EGFR: variants seen among roughly 807,000 people sequenced by gnomAD.
The protein encoded by EGFR is epidermal growth factor receptor.
EGFR carries 58 observed loss-of-function variants against 143.0 expected under a neutral mutation model. That is an observed-to-expected ratio of 0.41 (90% CI 0.33 to 0.50). The LOEUF (loss-of-function observed/expected upper bound fraction) is 0.50. Among genes scored for constraint, EGFR ranks in the 20% least tolerant of loss-of-function variants. The pLI is 0.39. For missense variants in EGFR, 1,307 were observed against 1,579.0 expected (o/e 0.83, Z 2.92); for synonymous variants, 613 against 594.4 (o/e 1.03, Z -0.45).
At chr7:55,050,519 C>T (rs1454999500) in intron 1 of EGFR, among the ~76,000 whole-genome samples, 1 of 152,192 alleles carries the variant, frequency 6.6e-6, no homozygotes, top group Non-Finnish European at 1.5e-5. Flanking sequence ...GTTGCTTCTG[C>T]TTTTTAGCTA....
In EGFR at chr7:55,091,847, A is replaced by AACACACACACAC. The variant is rs71014681; in HGVS notation, c.89-50406_89-50395dup. Reference sequence around the variant, plus strand: ...CTTATCCAAACCCTGACCCACTGTAAACACACACACACACACACACACACA... The same window carrying AACACACACACAC: ...CTTATCCAAACCCTGACCCACTGTAAACACACACACACACACACACACACACACACACACACA... On this transcript the variant is annotated intron_variant, in intron 1 of 27. Coordinates refer to ENST00000275493, the MANE Select transcript of EGFR (RefSeq NM_005228.5). 4.9e-3 allele frequency among the ~76,000 whole-genome samples: 646 copies of AACACACACACAC among 132,150 alleles called. 7 individuals are homozygous for AACACACACACAC. The highest frequency in any genetic ancestry group is 0.048 in the Middle Eastern group (11 of 230). The allele number at this position is 132,150 out of a possible 152,430, so 86.7% of individuals were successfully genotyped here. A position where few individuals can be genotyped will look rare whatever the true frequency, so the allele number is the denominator to read the frequency against.
Position 55,152,530 on chromosome 7 carries a change from C to G in EGFR, c.629-16C>G. ...CCTCACTCTTCAGCTCACAGGGAAC[C>G]TTTGCTCTTTTTCAGTGACCAAAAT... On this transcript the variant is annotated splice_polypyrimidine_tract_variant and intron_variant, in intron 5 of 27. Coordinates refer to ENST00000275493, the MANE Select transcript of EGFR (RefSeq NM_005228.5). The G allele has an allele frequency of 6.2e-7, 1 of 1,611,008 alleles. No homozygotes were observed. The highest frequency in any genetic ancestry group is 8.5e-7 in the Non-Finnish European group (1 of 1,177,268).
At chr7:55,043,416 T>C (rs1374865894) in intron 1 of EGFR, among the ~76,000 whole-genome samples, 1 of 152,166 alleles carries the variant, frequency 6.6e-6, no homozygotes, top group East Asian at 1.9e-4. Context: ...TGGAGTGCAG[T>C]GGTGTGATCT....
At chr7:55,119,788 C>T (rs904681268) in intron 1 of EGFR, among the ~76,000 whole-genome samples, 3 of 152,176 alleles carry the variant, frequency 2.0e-5, no homozygotes, top group Non-Finnish European at 2.9e-5. Flanking sequence ...TTGAAAGGTC[C>T]TTCTATTGGA....
intron 1 of EGFR, chr7:55,109,846 CACTGG>C (rs1792359927): frequency 1.0e-6 from 1 of 985,360 alleles, no homozygotes; most frequent in Non-Finnish European, 1.2e-6. Context: ...AACAGTTCTC[CACTGG>C]ACTTCAGAAC....
At chr7:55,202,728 C>A in intron 27 of EGFR, 103 bp downstream of exon 27, 1 of 1,050,504 alleles carries the variant, frequency 9.5e-7, no homozygotes, top group South Asian at 1.3e-5. Context: ...CCAGCATCTC[C>A]AGAGGGGGAA....
At chr7:55,043,979 C>T (rs1004681374) in intron 1 of EGFR, 1 of 152,164 alleles carries the variant, frequency 6.6e-6, no homozygotes, top group Non-Finnish European at 1.5e-5. Flanking sequence ...CAAGTGAAAG[C>T]AAGAGCCACG....
At position 55,205,748 on chromosome 7, in the gene EGFR, T is replaced by C. The variant is rs1788085556; in HGVS notation, c.*131T>C. On this transcript the variant is annotated 3_prime_UTR_variant, in exon 28 of 28. Transcript: ENST00000275493. Reference sequence around the variant, plus strand: ...ACCCACAGACTGGTTTTGCAACGTTTACACCGACTAGCCAGGAAGTACTTC... The same window carrying C: ...ACCCACAGACTGGTTTTGCAACGTTCACACCGACTAGCCAGGAAGTACTTC... 3.5e-6 allele frequency: 5 copies of C among 1,421,196 alleles called. No individual in the cohort carries two copies. Among genetic ancestry groups the C allele is most frequent in the Admixed American group, 3.5e-5 (2 of 56,778 alleles). The allele number at this position is 1,421,196 out of a possible 1,614,324, so 88.0% of individuals were successfully genotyped here. A position where few individuals can be genotyped will look rare whatever the true frequency, so the allele number is the denominator to read the frequency against.
rs771736232 is a variant in EGFR at position 55,160,253 on chromosome 7, T to C, written c.1413T>C (p.Tyr471=). ...VIISGNKNLC[Y]ANTINWKKLF... ...TTTCAGGAAACAAAAATTTGTGCTA[T>C]GCAAATACAATAAACTGGAAAAAAC... The change falls in exon 12 of 28, where the codon TAT becomes TAC. Residue 471 remains tyrosine, a synonymous_variant. Coordinates refer to ENST00000275493, the MANE Select transcript of EGFR (RefSeq NM_005228.5). 1.9e-6 allele frequency: 3 copies of C among 1,614,042 alleles called. No individual in the cohort carries two copies. The highest frequency in any genetic ancestry group is 2.2e-5 in the South Asian group (2 of 91,088).
At chr7:55,033,610 C>T (rs549963186) in intron 1 of EGFR, among the ~76,000 whole-genome samples, 3 of 152,152 alleles carry the variant, frequency 2.0e-5, no homozygotes, top group Non-Finnish European at 2.9e-5. Context: ...CTAGGGGAGG[C>T]GGGCCTGGGC....
At chr7:55,148,993 A>G (rs1262586808) in intron 4 of EGFR, among the ~76,000 whole-genome samples, 1 of 152,226 alleles carries the variant, frequency 6.6e-6, no homozygotes, top group Non-Finnish European at 1.5e-5. Flanking sequence ...GAATGGGTTT[A>G]CTTCAGAGAA....
chr7:55,170,842 CT>C lies in EGFR; in HGVS notation c.1881-332del, dbSNP rs758872139. On this transcript the variant is annotated intron_variant, in intron 15 of 27. Transcript: ENST00000275493. The stretch of plus-strand genomic sequence containing the variant: ...CTTCTAGCCTTGGTTCCTTCTGCCC[CT>C]CTGTTTGAAATTCTAGAGCCAGCTG... The C allele has an allele frequency of 6.3e-5, 89 of 1,412,770 alleles. No homozygotes were observed. The East Asian group carries it at 2.3e-3, about 36-fold the overall frequency. The allele number at this position is 1,412,770 out of a possible 1,614,324, so 87.5% of individuals were successfully genotyped here. A position where few individuals can be genotyped will look rare whatever the true frequency, so the allele number is the denominator to read the frequency against.
chr7:55,036,426 T>C (rs1400947357), intron 1 of EGFR, among the ~76,000 whole-genome samples: 2 of 152,192 alleles, frequency 1.3e-5, no homozygotes, highest in Non-Finnish European at 2.9e-5. Flanking sequence ...GTTTCAGGTG[T>C]TCCGTGCTCA....
chr7:55,195,018 A>G (rs965827966), intron 22 of EGFR, among the ~76,000 whole-genome samples: 1 of 152,226 alleles, frequency 6.6e-6, no homozygotes, highest in African/African-American at 2.4e-5. Flanking sequence ...CTTCCAGCCC[A>G]TTCTCCACCT....
intron 15 of EGFR, 42 bp downstream of exon 15, chr7:55,165,479 C>A (rs1030183647): frequency 6.4e-7 from 1 of 1,572,618 alleles, no homozygotes; most frequent in South Asian, 1.2e-5. Context: ...TCCTCTCTTG[C>A]AAATTCAGAG....
intron 23 of EGFR, among the ~76,000 whole-genome samples, chr7:55,199,622 G>A (rs1225463703): frequency 1.3e-5 from 2 of 152,238 alleles, no homozygotes; most frequent in African/African-American, 2.4e-5. Flanking sequence ...TTGATATGCT[G>A]TGGATGGAAA....
At chr7:55,115,487 T>C (rs1019647958) in intron 1 of EGFR, among the ~76,000 whole-genome samples, 2 of 152,214 alleles carry the variant, frequency 1.3e-5, no homozygotes, top group Non-Finnish European at 1.5e-5. Context: ...AGAAGTTATA[T>C]TTATTATCAT....
chr7:55,031,654 G>T (rs1365749487), intron 1 of EGFR, among the ~76,000 whole-genome samples: 1 of 152,122 alleles, frequency 6.6e-6, no homozygotes, highest in Non-Finnish European at 1.5e-5. Context: ...TTGGGCAATG[G>T]CTACTAAATG....
chr7:55,193,493 AG>A (rs1787490746), intron 22 of EGFR, among the ~76,000 whole-genome samples: 2 of 152,124 alleles, frequency 1.3e-5, no homozygotes, highest in Non-Finnish European at 2.9e-5. Context: ...CTGAGCCTAC[AG>A]GGGCCTCCCA....
Sources: gnomAD v4.1 joint callset for allele counts (sites outside exome capture counted in the v4.1 genomes callset) on GRCh38, gnomAD v4.1.1 for gene constraint, MANE v1.5 for transcripts, NCBI Gene and HGNC (gene_info 2026-07-23, HGNC 2026-07-21) for gene names.